ASTN1: variants seen among roughly 807,000 people sequenced by gnomAD.
The protein encoded by ASTN1 is astrotactin-1.
A neutral mutation model predicts 140.7 loss-of-function variants in ASTN1; 41 were observed. That is an observed-to-expected ratio of 0.29 (90% CI 0.23 to 0.38). ASTN1 has a LOEUF of 0.38. Among genes scored for constraint, ASTN1 ranks in the 10% least tolerant of loss-of-function variants. ASTN1 has a pLI of 1.00. For synonymous variants in ASTN1, 640 were observed against 652.2 expected (o/e 0.98, Z 0.29); for missense variants, 1,479 against 1,678.8 (o/e 0.88, Z 2.08).
chr1:176,872,804 A>G (rs555145699), intron 21 of ASTN1, among the ~76,000 whole-genome samples: 1 of 152,106 alleles, frequency 6.6e-6, no homozygotes, highest in African/African-American at 2.4e-5. Context: ...CTTCCCCTAG[A>G]TTTCTGCACG....
Position 176,862,895 on chromosome 1 carries a change from T to A in ASTN1, c.*1389A>T. The A allele has an allele frequency of 1.0e-6, 1 of 985,466 alleles. No individual in the cohort carries two copies. Among genetic ancestry groups the A allele is most frequent in the Non-Finnish European group, 1.2e-6 (1 of 829,952 alleles). 61.0% of individuals were successfully genotyped at this position (985,466 alleles called of 1,614,324 possible). On this transcript the variant is annotated 3_prime_UTR_variant, in exon 23 of 23. Coordinates refer to ENST00000361833, the MANE Select transcript of ASTN1 (RefSeq NM_004319.3). The stretch of plus-strand genomic sequence containing the variant: ...TAGGTCTTGCATCTGTTTGCTGACC[T>A]TTCTCATATGTTTCCAGATGAGGAG...
intron 8 of ASTN1, among the ~76,000 whole-genome samples, chr1:176,969,379 GA>G (rs923184791): frequency 6.6e-6 from 1 of 151,850 alleles, no homozygotes; most frequent in African/African-American, 2.4e-5. Flanking sequence ...TCCTCATTAG[GA>G]AAAAAAATAA....
intron 16 of ASTN1, among the ~76,000 whole-genome samples, chr1:176,905,883 A>T (rs1483801224): frequency 6.6e-6 from 1 of 152,198 alleles, no homozygotes; most frequent in African/African-American, 2.4e-5. Context: ...TTGGTGAGGG[A>T]GATTCATGTG....
At chr1:177,008,372 AAAGT>A (rs1350557682) in intron 8 of ASTN1, among the ~76,000 whole-genome samples, 1 of 151,520 alleles carries the variant, frequency 6.6e-6, no homozygotes, top group Non-Finnish European at 1.5e-5. Flanking sequence ...GGAGAAGATA[AAAGT>A]AAGAGAGAGA....
At chr1:176,921,875 G>T (rs1670738784) in intron 16 of ASTN1, among the ~76,000 whole-genome samples, 1 of 152,108 alleles carries the variant, frequency 6.6e-6, no homozygotes, top group Admixed American at 6.5e-5. Flanking sequence ...GAGGGTGTTT[G>T]GGGAGACACT....
At chr1:176,936,188 G>T in intron 15 of ASTN1, 78 bp downstream of exon 15, 1 of 1,297,066 alleles carries the variant, frequency 7.7e-7, no homozygotes, top group African/African-American at 1.5e-5. Flanking sequence ...TTCGACAGTG[G>T]GACCAAAGGC....
At chr1:176,991,436 C>CAAAAAAAAAAAAAAAAAAAAAAAA (rs1173420812) in intron 8 of ASTN1, among the ~76,000 whole-genome samples, 27 of 13,808 alleles carry the variant, frequency 2.0e-3, no homozygotes, top group South Asian at 3.5e-3. Context: ...AAAAAAAAAC[C>CAAAAAAAAAAAAAAAAAAAAAAAA]AAAAAAAAAA....
intron 16 of ASTN1, among the ~76,000 whole-genome samples, chr1:176,930,495 A>G (rs1671161086): frequency 1.3e-5 from 2 of 152,194 alleles, no homozygotes; most frequent in African/African-American, 2.4e-5. Flanking sequence ...CAAGATGTAC[A>G]TGGTTTCTTT....
chr1:177,115,956 T>C (rs1345985178), intron 1 of ASTN1, among the ~76,000 whole-genome samples: 1 of 152,202 alleles, frequency 6.6e-6, no homozygotes, highest in Non-Finnish European at 1.5e-5. Flanking sequence ...ATTTCCTCCA[T>C]GTTTTAGAAT....
At chr1:176,958,578 C>A (rs1253541187) in intron 9 of ASTN1, 96 bp from the exon 10 acceptor site, 5 of 1,401,304 alleles carry the variant, frequency 3.6e-6, no homozygotes, top group Non-Finnish European at 3.8e-6. Context: ...TTCTTCTCAC[C>A]CTTTGTAGTC....
chr1:177,152,685 A>G (rs1683089548), intron 1 of ASTN1, among the ~76,000 whole-genome samples: 1 of 152,130 alleles, frequency 6.6e-6, no homozygotes, highest in Non-Finnish European at 1.5e-5. Context: ...TAAAAATACC[A>G]CTAGCTTTTG....
chr1:177,161,023 T>C (rs1465482827), intron 1 of ASTN1, among the ~76,000 whole-genome samples: 3 of 152,172 alleles, frequency 2.0e-5, no homozygotes, highest in Admixed American at 2.0e-4. Context: ...AAAACATACC[T>C]AAAAGTCATA....
At chr1:177,000,315 C>T (rs911419722) in intron 8 of ASTN1, among the ~76,000 whole-genome samples, 1 of 152,142 alleles carries the variant, frequency 6.6e-6, no homozygotes, top group African/African-American at 2.4e-5. Flanking sequence ...AAGAAACAGG[C>T]ATGCCATATT....
chr1:177,163,822 T>A (rs563638728), intron 1 of ASTN1, among the ~76,000 whole-genome samples: 12 of 152,250 alleles, frequency 7.9e-5, no homozygotes, highest in African/African-American at 2.9e-4. Flanking sequence ...AGCTGGGGGA[T>A]AAGAAACTTG....
At chr1:176,881,669 C>A (rs1196766069) in intron 20 of ASTN1, among the ~76,000 whole-genome samples, 1 of 152,196 alleles carries the variant, frequency 6.6e-6, no homozygotes, top group Admixed American at 6.5e-5. Context: ...AGTGGACCAA[C>A]ATGGTCTTAG....
intron 16 of ASTN1, among the ~76,000 whole-genome samples, chr1:176,896,746 C>T (rs1449237903): frequency 6.6e-6 from 1 of 152,134 alleles, no homozygotes; most frequent in African/African-American, 2.4e-5. Flanking sequence ...AGTTGTAGCT[C>T]ATAATCACCT....
At chr1:176,875,836 A>T (rs1668537340) in intron 21 of ASTN1, among the ~76,000 whole-genome samples, 1 of 152,208 alleles carries the variant, frequency 6.6e-6, no homozygotes, top group African/African-American at 2.4e-5. Flanking sequence ...GCCCTGAAGA[A>T]GTGGTGACCA....
chr1:177,009,046 G>A (rs187200385), intron 8 of ASTN1, among the ~76,000 whole-genome samples: 11 of 152,312 alleles, frequency 7.2e-5, no homozygotes, highest in African/African-American at 2.4e-4. Context: ...GACCCCACCT[G>A]AGTCACCTCA....
Position 176,864,165 on chromosome 1 carries a change from G to A in ASTN1, c.*119C>T, listed in dbSNP as rs965134639. 44 of 1,500,262 alleles carry A rather than the reference G, an allele frequency of 2.9e-5. No homozygotes were observed. The East Asian group carries it at 4.8e-4, about 16-fold the overall frequency. The allele number at this position is 1,500,262 out of a possible 1,614,324, so 92.9% of individuals were successfully genotyped here. A position where few individuals can be genotyped will look rare whatever the true frequency, so the allele number is the denominator to read the frequency against. On this transcript the variant is annotated 3_prime_UTR_variant, in exon 23 of 23. Transcript: ENST00000361833. ...CAAGGATCACTTTCTCCCTGGTTTC[G>A]ATGTTGCTGTGGAGGTTTTCATGTT...
Sources: gnomAD v4.1 joint callset for allele counts (sites outside exome capture counted in the v4.1 genomes callset) on GRCh38, gnomAD v4.1.1 for gene constraint, MANE v1.5 for transcripts, NCBI Gene and HGNC (gene_info 2026-07-23, HGNC 2026-07-21) for gene names.